The following BRIP1 variants were observed in gnomAD, a reference collection of about 807,000 sequenced individuals.
BRIP1 encodes the protein Fanconi anemia group J protein.
In BRIP1, 88 loss-of-function variants were observed where a neutral mutation model predicts 119.7. The ratio of observed to expected loss-of-function variants is 0.74; its 90% CI spans 0.62 to 0.88. BRIP1 has a LOEUF of 0.88. Ranked by LOEUF, BRIP1 falls within the 40% of genes least tolerant of loss-of-function variation. The pLI is 0.00. For missense variants in BRIP1, 1,259 were observed against 1,455.4 expected, an observed-to-expected ratio of 0.87 and a Z score of 2.20; for synonymous variants, 443 against 496.5, an observed-to-expected ratio of 0.89 and a Z score of 1.43.
intron 14 of BRIP1, among the ~76,000 whole-genome samples, chr17:61,750,632 A>G (rs1263708305): frequency 1.3e-5 from 2 of 152,170 alleles, no homozygotes; most frequent in East Asian, 3.8e-4. Context: ...GATATAAAGA[A>G]CTACAACTCA....
At chr17:61,800,555 G>T (rs186482874) in intron 8 of BRIP1, among the ~76,000 whole-genome samples, 6 of 152,156 alleles carry the variant, frequency 3.9e-5, no homozygotes, top group African/African-American at 1.4e-4. Context: ...TTTATCTCAT[G>T]AGCAAAGGAA....
intron 6 of BRIP1, among the ~76,000 whole-genome samples, chr17:61,820,810 C>T (rs987134493): frequency 1.3e-5 from 2 of 151,930 alleles, no homozygotes; most frequent in African/African-American, 2.4e-5. Flanking sequence ...ATTAGCCAGG[C>T]GTGGTGGCAT....
chr17:61,779,721 T>C (rs2077584960), intron 13 of BRIP1, among the ~76,000 whole-genome samples: 1 of 152,166 alleles, frequency 6.6e-6, no homozygotes, highest in African/African-American at 2.4e-5. Context: ...TTTGGGAGGC[T>C]GAGGCAAGTG....
At chr17:61,855,825 A>C (rs1344809019) in intron 4 of BRIP1, among the ~76,000 whole-genome samples, 1 of 152,114 alleles carries the variant, frequency 6.6e-6, no homozygotes, top group Non-Finnish European at 1.5e-5. Flanking sequence ...TAACCTCATG[A>C]AGTAGTCTGC....
chr17:61,695,005 A>G lies in BRIP1; in HGVS notation c.2493-1493T>C, dbSNP rs910995016. Among the ~76,000 whole-genome samples the G allele has an allele frequency of 6.6e-6, 1 of 151,752 alleles. No individual in the cohort carries two copies. Among genetic ancestry groups the G allele is most frequent in the Non-Finnish European group, 1.5e-5 (1 of 67,880 alleles). On this transcript the variant is annotated intron_variant, in intron 17 of 19. Coordinates refer to ENST00000259008, the MANE Select transcript of BRIP1 (RefSeq NM_032043.3). This position sits in a 1 kb window ranked among gnomAD's most constrained non-coding sequence, Gnocchi z 4.3. ...ATTTCTTGATACTGTCCTTTGAAGA[A>G]TAAAAATTTGAACTGTAACAAAGTC...
chr17:61,772,820 GAAAAA>G (rs71355193), intron 14 of BRIP1, among the ~76,000 whole-genome samples: 1 of 53,540 alleles, frequency 1.9e-5, no homozygotes, highest in East Asian at 5.6e-4. Context: ...TTCCATCTCA[GAAAAA>G]AAAAAAAAAA....
rs587780247 is a variant in BRIP1, at chr17:61,857,121, G to T, written c.316C>A (p.Arg106Ser). ...GGTGTGCTTGGATAGTTGAAATGAC[G>T]TGAAGTTCCTTGGTTCATGTCATTG... ...TNNDMNQGTS[R>S]HFNYPSTPPS... Residue 106 changes from arginine (R) to serine (S), a missense_variant, in exon 4 of 20, where the codon CGT becomes AGT. Arg to Ser is a moderately radical substitution (Grantham distance 110, BLOSUM62 -1). Transcript: ENST00000259008. The surrounding 1 kb of genome is among the most constrained non-coding windows in gnomAD (Gnocchi z 5.1). The T allele has an allele frequency of 3.7e-6, 6 of 1,614,012 alleles. No homozygotes were observed. Among genetic ancestry groups the T allele is most frequent in the Non-Finnish European group, 5.1e-6 (6 of 1,179,914 alleles).
rs777281768 is a variant in BRIP1, at chr17:61,756,416, A to G, written c.2098-11825T>C. 6.6e-6 allele frequency among the ~76,000 whole-genome samples: 1 copy of G among 152,170 alleles called. No individual in the cohort carries two copies. Among genetic ancestry groups the G allele is most frequent in the Non-Finnish European group, 1.5e-5 (1 of 68,024 alleles). Reference sequence around the variant, plus strand: ...CTTTGTTGAAAATATCCTACTTAATAGCTCATAAAGGGTAAATACTATTCA... The same window carrying G: ...CTTTGTTGAAAATATCCTACTTAATGGCTCATAAAGGGTAAATACTATTCA... On this transcript the variant is annotated intron_variant, in intron 14 of 19. Coordinates refer to ENST00000259008, the MANE Select transcript of BRIP1 (RefSeq NM_032043.3). This position sits in a 1 kb window ranked among gnomAD's most constrained non-coding sequence, Gnocchi z 4.3.
At chr17:61,858,935 C>T (rs1393042422) in intron 3 of BRIP1, among the ~76,000 whole-genome samples, 2 of 151,516 alleles carry the variant, frequency 1.3e-5, no homozygotes, top group African/African-American at 4.9e-5. Context: ...GTGGCTCATG[C>T]CTATAATCCC....
At position 61,717,327 on chromosome 17, in the gene BRIP1, G is replaced by A. The variant is rs1027063146; in HGVS notation, c.2380-1264C>T. On this transcript the variant is annotated intron_variant, in intron 16 of 19. Coordinates refer to ENST00000259008, the MANE Select transcript of BRIP1 (RefSeq NM_032043.3). This position sits in a 1 kb window ranked among gnomAD's most constrained non-coding sequence, Gnocchi z 4.1. ...ATTTACCCACAGATTTACCATTTCT[G>A]GCACTCTTCATTTTCTCACGTAGAT... Among the ~76,000 whole-genome samples, 1 of 151,878 alleles carries A rather than the reference G, an allele frequency of 6.6e-6. No homozygotes were observed. Among genetic ancestry groups the A allele is most frequent in the Admixed American group, 6.6e-5 (1 of 15,260 alleles).
rs555375211 is a variant in BRIP1, at chr17:61,856,588, G to GT, written c.379+469dup. On this transcript the variant is annotated intron_variant, in intron 4 of 19. Coordinates refer to ENST00000259008, the MANE Select transcript of BRIP1 (RefSeq NM_032043.3). This position sits in a 1 kb window ranked among gnomAD's most constrained non-coding sequence, Gnocchi z 5.1. The stretch of plus-strand genomic sequence containing the variant: ...TTAATAATCTTATGTTACTCTTAAT[G>GT]TATTTCTCTAAAATTAGTAAAAATT... Among the ~76,000 whole-genome samples the GT allele has an allele frequency of 6.6e-6, 1 of 152,132 alleles. No homozygotes were observed. Among genetic ancestry groups the GT allele is most frequent in the East Asian group, 1.9e-4 (1 of 5,188 alleles).
rs2078448312 is a variant in BRIP1, at chr17:61,828,879, T to A, written c.627+18222A>T. On this transcript the variant is annotated intron_variant, in intron 6 of 19. Transcript: ENST00000259008. The surrounding 1 kb of genome is among the most constrained non-coding windows in gnomAD (Gnocchi z 4.1). ...ACGGAAGTATATTGGCAGAAGGTTC[T>A]TACACATTATTTGTGAGTTGAAATA... 6.6e-6 allele frequency among the ~76,000 whole-genome samples: 1 copy of A among 152,198 alleles called. No individual in the cohort carries two copies. The highest frequency in any genetic ancestry group is 6.5e-5 in the Admixed American group (1 of 15,284).
rs560924567 is a variant in BRIP1 at position 61,742,439 on chromosome 17, T to C, written c.2379+574A>G. Among the ~76,000 whole-genome samples, 1 of 152,348 alleles carries C rather than the reference T, an allele frequency of 6.6e-6. No individual in the cohort carries two copies. Among genetic ancestry groups the C allele is most frequent in the Non-Finnish European group, 1.5e-5 (1 of 68,034 alleles). ...GGTGCAAGAGGCCTAGCTTTTGTCT[T>C]GTCTCAGCTTTCAATATGCCTTGCT... On this transcript the variant is annotated intron_variant, in intron 16 of 19. Transcript: ENST00000259008. This position sits in a 1 kb window ranked among gnomAD's most constrained non-coding sequence, Gnocchi z 4.7.
rs1399522133 is a variant in BRIP1, at chr17:61,814,583, T to G, written c.628-5826A>C. ...TCCATTTCCTATCCACCAGATTGGG[T>G]ACTGGAGAGGATATGAAGAAACTCT... On this transcript the variant is annotated intron_variant, in intron 6 of 19. Coordinates refer to ENST00000259008, the MANE Select transcript of BRIP1 (RefSeq NM_032043.3). This position sits in a 1 kb window ranked among gnomAD's most constrained non-coding sequence, Gnocchi z 4.9. 1.3e-5 allele frequency among the ~76,000 whole-genome samples: 2 copies of G among 152,040 alleles called. No individual in the cohort carries two copies. Among genetic ancestry groups the G allele is most frequent in the African/African-American group, 4.8e-5 (2 of 41,442 alleles).
At chr17:61,763,907 G>A (rs938470561) in intron 14 of BRIP1, among the ~76,000 whole-genome samples, 1 of 152,054 alleles carries the variant, frequency 6.6e-6, no homozygotes, top group Non-Finnish European at 1.5e-5. Context: ...AGATGAAAAA[G>A]GATGGAAAGA....
At position 61,803,077 on chromosome 17, in the gene BRIP1, T is replaced by C. The variant is rs998390705; in HGVS notation, c.919-1603A>G. Among the ~76,000 whole-genome samples, 1 of 147,074 alleles carries C rather than the reference T, an allele frequency of 6.8e-6. No homozygotes were observed. Among genetic ancestry groups the C allele is most frequent in the Non-Finnish European group, 1.5e-5 (1 of 67,362 alleles). On this transcript the variant is annotated intron_variant, in intron 7 of 19. Transcript: ENST00000259008. This position sits in a 1 kb window ranked among gnomAD's most constrained non-coding sequence, Gnocchi z 4.3. Reference sequence around the variant, plus strand: ...TTTCTTCTTTTATGTTATCTACTAATGCCCTTTGCCATTCTATTACCTTTT... The same window carrying C: ...TTTCTTCTTTTATGTTATCTACTAACGCCCTTTGCCATTCTATTACCTTTT...
In BRIP1 at chr17:61,755,397, A is replaced by G. The variant is rs2077187480; in HGVS notation, c.2098-10806T>C. Among the ~76,000 whole-genome samples the G allele has an allele frequency of 6.6e-6, 1 of 151,922 alleles. No individual in the cohort carries two copies. Among genetic ancestry groups the G allele is most frequent in the Admixed American group, 6.6e-5 (1 of 15,242 alleles). On this transcript the variant is annotated intron_variant, in intron 14 of 19. Transcript: ENST00000259008. This position sits in a 1 kb window ranked among gnomAD's most constrained non-coding sequence, Gnocchi z 4.5. The stretch of plus-strand genomic sequence containing the variant: ...CAACTTGGCAAAACCCTGTATCTAC[A>G]AAAGTACAAAAATTAGCTGGGTGTG...
At position 61,690,477 on chromosome 17, in the gene BRIP1, G is replaced by A. The variant is rs567476001; in HGVS notation, c.2575+2953C>T. Among the ~76,000 whole-genome samples the A allele has an allele frequency of 3.3e-5, 5 of 152,266 alleles. No individual in the cohort carries two copies. Among genetic ancestry groups the A allele is most frequent in the African/African-American group, 1.2e-4 (5 of 41,560 alleles). On this transcript the variant is annotated intron_variant, in intron 18 of 19. Coordinates refer to ENST00000259008, the MANE Select transcript of BRIP1 (RefSeq NM_032043.3). The surrounding 1 kb of genome is among the most constrained non-coding windows in gnomAD (Gnocchi z 5.6). ...GAGTTTATACAACTGAAATGAATTT[G>A]TTAGCTGAAAATATTGTTATAACTA...
At position 61,683,497 on chromosome 17, in the gene BRIP1, T is replaced by C; in HGVS notation, c.3549A>G (p.Arg1183=). The change falls in exon 20 of 20, where the codon AGA becomes AGG. Residue 1183 remains arginine, a synonymous_variant. Transcript: ENST00000259008. The surrounding 1 kb of genome is among the most constrained non-coding windows in gnomAD (Gnocchi z 4.7). ...IRTIKEVDSA[R]EVKAEDCIDT... is the part of the protein sequence containing the mutation. Reference sequence around the variant, plus strand: ...CTATGCAATCCTCAGCTTTCACTTCTCTGGCTGAATCTACTTCTTTTATAG... The same window carrying C: ...CTATGCAATCCTCAGCTTTCACTTCCCTGGCTGAATCTACTTCTTTTATAG... 6.2e-7 allele frequency: 1 copy of C among 1,613,636 alleles called. No homozygotes were observed. Among genetic ancestry groups the C allele is most frequent in the Non-Finnish European group, 8.5e-7 (1 of 1,179,850 alleles).
Sources: gnomAD v4.1 joint callset for allele counts (sites outside exome capture counted in the v4.1 genomes callset) on GRCh38, gnomAD v4.1.1 for gene constraint, Gnocchi (gnomAD v3.1) non-coding constraint, MANE v1.5 for transcripts, NCBI Gene and HGNC (gene_info 2026-07-23, HGNC 2026-07-21) for gene names.